The following DISC1 variants were observed in gnomAD, a reference collection of about 807,000 sequenced individuals.
DISC1 encodes disrupted in schizophrenia 1 protein.
Under a neutral mutation model 84.5 loss-of-function variants are expected in DISC1, and 57 were observed. The observed-to-expected ratio is 0.67, with a 90% CI of 0.55 to 0.84. The LOEUF is 0.84. Among genes scored for constraint, DISC1 ranks in the 40% least tolerant of loss-of-function variants. The pLI is 0.00. For missense variants in DISC1, 1,000 were observed against 1,057.8 expected (o/e 0.95, Z 0.76); for synonymous variants, 411 against 415.2 (o/e 0.99, Z 0.12).
At chr1:231,975,092 C>G (rs1255271813) in intron 10 of DISC1, among the ~76,000 whole-genome samples, 2 of 151,986 alleles carry the variant, frequency 1.3e-5, no homozygotes, top group Non-Finnish European at 2.9e-5. Context: ...GAGAGAGACT[C>G]AATTTCAAAA....
intron 9 of DISC1, among the ~76,000 whole-genome samples, chr1:231,850,889 A>G (rs923210081): frequency 6.6e-6 from 1 of 152,192 alleles, no homozygotes; most frequent in African/African-American, 2.4e-5. Flanking sequence ...AGAAGTGGGA[A>G]CACAAATGGC....
At chr1:231,683,487 G>C (rs1224467438) in intron 1 of DISC1, among the ~76,000 whole-genome samples, 1 of 145,220 alleles carries the variant, frequency 6.9e-6, no homozygotes, top group African/African-American at 2.6e-5. Flanking sequence ...GTGCAATGGC[G>C]TGACTGTGGC....
chr1:231,982,387 C>T (rs1663741742), intron 10 of DISC1, among the ~76,000 whole-genome samples: 1 of 152,092 alleles, frequency 6.6e-6, no homozygotes, highest in South Asian at 2.1e-4. Flanking sequence ...TTCCCTTCCT[C>T]TCTTCCTTCC....
At chr1:231,828,713 CA>C (rs924875964) in intron 9 of DISC1, among the ~76,000 whole-genome samples, 1 of 152,046 alleles carries the variant, frequency 6.6e-6, no homozygotes, top group Non-Finnish European at 1.5e-5. Context: ...TCTGTGCTTG[CA>C]GTACAGGAAA....
At chr1:231,641,152 A>G (rs2059620214) in intron 1 of DISC1, among the ~76,000 whole-genome samples, 1 of 152,234 alleles carries the variant, frequency 6.6e-6, no homozygotes, top group Non-Finnish European at 1.5e-5. Context: ...TGTGCTGGGT[A>G]GGATGCTATC....
intron 9 of DISC1, among the ~76,000 whole-genome samples, chr1:231,892,393 G>A (rs1240413262): frequency 2.6e-5 from 4 of 152,142 alleles, no homozygotes; most frequent in African/African-American, 9.7e-5. Flanking sequence ...TGGTGTCCAA[G>A]TAGTGCCTTC....
intron 6 of DISC1, 131 bp from the exon 7 acceptor site, chr1:231,795,111 C>A: frequency 1.2e-6 from 1 of 843,214 alleles, no homozygotes; most frequent in Non-Finnish European, 2.0e-6. Flanking sequence ...GCCAATTTGG[C>A]ATCATCTTTC....
intron 8 of DISC1, among the ~76,000 whole-genome samples, chr1:231,811,079 T>G (rs1407598): frequency 0.24 from 36,457 of 152,130 alleles, 4,618 homozygotes; most frequent in East Asian, 0.42. Flanking sequence ...AAGTTCTGTG[T>G]GTCCAGTGTT....
intron 1 of DISC1, among the ~76,000 whole-genome samples, chr1:231,678,207 C>T (rs746637644): frequency 6.6e-6 from 1 of 152,214 alleles, no homozygotes; most frequent in Middle Eastern, 3.4e-3. Context: ...ACATTGGTCT[C>T]GTCTGAAGAA....
chr1:232,004,867 G>A (rs59453371), intron 10 of DISC1, among the ~76,000 whole-genome samples: 1 of 28,442 alleles, frequency 3.5e-5, no homozygotes, highest in Non-Finnish European at 9.3e-5. Context: ...CTCCCTCCCT[G>A]CCTCCCTCCC....
chr1:231,854,941 C>T (rs1387515268), intron 9 of DISC1: 1 of 749,758 alleles, frequency 1.3e-6, no homozygotes, highest in Admixed American at 2.7e-5. Flanking sequence ...GTCTAAAACT[C>T]CTGACCTCAA....
intron 1 of DISC1, among the ~76,000 whole-genome samples, chr1:231,640,344 A>G (rs982395827): frequency 2.0e-5 from 3 of 152,266 alleles, no homozygotes; most frequent in Admixed American, 6.5e-5. Context: ...GATGAACATA[A>G]GAGTGTCTTG....
intron 10 of DISC1, among the ~76,000 whole-genome samples, chr1:231,980,704 ATAGT>A (rs1251133072): frequency 2.6e-5 from 4 of 152,016 alleles, no homozygotes; most frequent in African/African-American, 9.7e-5. Context: ...TTGTTATATG[ATAGT>A]TTAAAACACT....
intron 9 of DISC1, among the ~76,000 whole-genome samples, chr1:231,923,886 G>A (rs1304268048): frequency 6.6e-6 from 1 of 152,136 alleles, no homozygotes; most frequent in East Asian, 1.9e-4. Context: ...TTCGTTTTTG[G>A]GCCAGAGAAT....
In DISC1 at chr1:231,895,409, C is replaced by A. The variant is rs570218631; in HGVS notation, c.1982-63419C>A. ...GTATATTTCCCCCATATATGTATCT[C>A]CCTCATATATATGTGTGTGTGTATA... On this transcript the variant is annotated intron_variant, in intron 9 of 12. Coordinates refer to ENST00000439617, the MANE Select transcript of DISC1 (RefSeq NM_018662.3). Among the ~76,000 whole-genome samples, 3 of 150,474 alleles carry A rather than the reference C, an allele frequency of 2.0e-5. No homozygotes were observed. The Admixed American group carries it at 2.0e-4, about 10-fold the overall frequency.
At chr1:231,935,003 A>T (rs542140067) in intron 9 of DISC1, among the ~76,000 whole-genome samples, 1 of 152,340 alleles carries the variant, frequency 6.6e-6, no homozygotes, top group South Asian at 2.1e-4. Flanking sequence ...AGAGAGATAA[A>T]TGACATAGCC....
intron 7 of DISC1, among the ~76,000 whole-genome samples, chr1:231,796,247 A>G (rs1342501105): frequency 6.6e-6 from 1 of 152,168 alleles, no homozygotes; most frequent in African/African-American, 2.4e-5. Flanking sequence ...AACAGGATCA[A>G]TTACTCTGTG....
intron 3 of DISC1, among the ~76,000 whole-genome samples, chr1:231,724,319 ACT>A (rs1258717509): frequency 6.6e-6 from 1 of 151,668 alleles, no homozygotes; most frequent in Non-Finnish European, 1.5e-5. Flanking sequence ...CCTTATCCTG[ACT>A]CTTCCACCCT....
chr1:231,998,470 T>A (rs1261281718), intron 10 of DISC1, among the ~76,000 whole-genome samples: 1 of 152,148 alleles, frequency 6.6e-6, no homozygotes, highest in Non-Finnish European at 1.5e-5. Flanking sequence ...GTAATAACAT[T>A]TATGTAAAAC....
Sources: gnomAD v4.1 joint callset for allele counts (sites outside exome capture counted in the v4.1 genomes callset) on GRCh38, gnomAD v4.1.1 for gene constraint, MANE v1.5 for transcripts, NCBI Gene and HGNC (gene_info 2026-07-23, HGNC 2026-07-21) for gene names.